PLD5: variants seen among roughly 807,000 people sequenced by gnomAD.
PLD5 encodes inactive phospholipase D5.
In PLD5, 36 loss-of-function variants were observed where a neutral mutation model predicts 61.1. The ratio of observed to expected loss-of-function variants is 0.59; its 90% CI spans 0.45 to 0.78. PLD5 has a LOEUF of 0.78. PLD5 is among the 30% of genes least tolerant of loss of function. The pLI is 0.00. For synonymous variants in PLD5, 243 were observed against 242.8 expected, an observed-to-expected ratio of 1.00 and a Z score of -0.01; for missense variants, 515 against 644.4, an observed-to-expected ratio of 0.80 and a Z score of 2.17.
intron 9 of PLD5, among the ~76,000 whole-genome samples, chr1:242,097,884 A>T (rs1160247946): frequency 6.6e-6 from 1 of 152,182 alleles, no homozygotes; most frequent in Non-Finnish European, 1.5e-5. Flanking sequence ...TTTTAGGTCT[A>T]ACATTTAAAT....
intron 1 of PLD5, among the ~76,000 whole-genome samples, chr1:242,498,708 C>G (rs929009188): frequency 6.6e-6 from 1 of 152,176 alleles, no homozygotes; most frequent in African/African-American, 2.4e-5. Flanking sequence ...GCTCCCACTC[C>G]CCACAATTGT....
At chr1:242,342,293 CGGAAG>C (rs1361636579) in intron 2 of PLD5, among the ~76,000 whole-genome samples, 1 of 151,960 alleles carries the variant, frequency 6.6e-6, no homozygotes, top group Non-Finnish European at 1.5e-5. Flanking sequence ...TCTGTGTGGG[CGGAAG>C]GGAAGATGGA....
chr1:242,484,914 T>C (rs1299527446), intron 1 of PLD5, among the ~76,000 whole-genome samples: 5 of 152,016 alleles, frequency 3.3e-5, no homozygotes, highest in African/African-American at 1.2e-4. Context: ...CATGCACAAA[T>C]CAGTAAATGT....
chr1:242,258,295 A>G (rs1425722573), intron 4 of PLD5, among the ~76,000 whole-genome samples: 1 of 152,198 alleles, frequency 6.6e-6, no homozygotes, highest in Non-Finnish European at 1.5e-5. Flanking sequence ...CCGAATTTCC[A>G]TCCACTGAGT....
At chr1:242,280,679 G>A (rs1333860610) in intron 3 of PLD5, among the ~76,000 whole-genome samples, 1 of 152,126 alleles carries the variant, frequency 6.6e-6, no homozygotes, top group Admixed American at 6.6e-5. Context: ...CACCAACTAT[G>A]CCAATCTTTT....
intron 5 of PLD5, among the ~76,000 whole-genome samples, chr1:242,171,611 G>A (rs773879113): frequency 2.6e-5 from 4 of 151,816 alleles, no homozygotes. Flanking sequence ...TGGACAAAGA[G>A]TCAAGACCCA....
chr1:242,529,340 C>T (rs893225351), upstream of PLD5, among the ~76,000 whole-genome samples: 1 of 152,146 alleles, frequency 6.6e-6, no homozygotes, highest in Non-Finnish European at 1.5e-5. Flanking sequence ...TATGTACAAA[C>T]TTACTTTAGA....
chr1:242,201,548 G>T (rs1050404716), intron 5 of PLD5, among the ~76,000 whole-genome samples: 1 of 151,942 alleles, frequency 6.6e-6, no homozygotes, highest in Non-Finnish European at 1.5e-5. Flanking sequence ...TTTAGATGGG[G>T]TCTCACTCTG....
chr1:242,157,134 A>G (rs1053085778), intron 5 of PLD5, among the ~76,000 whole-genome samples: 4 of 152,024 alleles, frequency 2.6e-5, no homozygotes, highest in African/African-American at 9.7e-5. Flanking sequence ...TTTACTTCCA[A>G]TTGATCAATT....
intron 5 of PLD5, among the ~76,000 whole-genome samples, chr1:242,143,087 G>C (rs1384108024): frequency 6.7e-6 from 1 of 149,622 alleles, no homozygotes; most frequent in Non-Finnish European, 1.5e-5. Flanking sequence ...GAGTACAGTG[G>C]TGCCATCTCC....
intron 1 of PLD5, among the ~76,000 whole-genome samples, chr1:242,415,344 C>A (rs1193583995): frequency 6.6e-6 from 1 of 152,026 alleles, no homozygotes; most frequent in African/African-American, 2.4e-5. Context: ...AGAAACAACC[C>A]ATCAGCAGAG....
Position 242,265,433 on chromosome 1 carries a change from C to A in PLD5, c.511G>T (p.Glu171Ter). 2 of 1,609,166 alleles carry A rather than the reference C, an allele frequency of 1.2e-6. No homozygotes were observed. The highest frequency in any genetic ancestry group is 1.7e-6 in the Non-Finnish European group (2 of 1,177,656). The change falls in exon 4 of 10, where the codon GAA becomes TAA. Residue 171 changes from glutamate (E) to a stop codon, truncating the protein, a stop_gained. Transcript: ENST00000536534. LOFTEE classifies it high-confidence loss of function. Reference protein sequence around the residue: ...PSACQGQRLFEKLLQLTSQNI... With the variant: ...PSACQGQRLF ...TGCGAAGTCAGCTGGAGCAACTTTTCAAAAAGACGTTGACCCTGGAAAAAA... is the reference window on the plus strand; with the variant it reads ...TGCGAAGTCAGCTGGAGCAACTTTTAAAAAAGACGTTGACCCTGGAAAAAA...
chr1:242,392,452 A>C (rs1662987652), intron 1 of PLD5, among the ~76,000 whole-genome samples: 1 of 152,186 alleles, frequency 6.6e-6, no homozygotes, highest in African/African-American at 2.4e-5. Flanking sequence ...GTAAGCTTTC[A>C]AGTGTGTGAC....
intron 1 of PLD5, among the ~76,000 whole-genome samples, chr1:242,523,387 T>G (rs1669340547): frequency 6.6e-6 from 1 of 151,828 alleles, no homozygotes. Context: ...GGAGCTCAAC[T>G]CCAGAGCCAA....
rs370479154 is a variant in PLD5, at chr1:242,254,951, C to T, written c.607+10386G>A. On this transcript the variant is annotated intron_variant, in intron 4 of 9. Transcript: ENST00000536534. The stretch of plus-strand genomic sequence containing the variant: ...CCCTTGCAATACACTTTGACGGCAG[C>T]GTATAGGACAAAGGCAGCAGCCTTC... 5.4e-4 allele frequency among the ~76,000 whole-genome samples: 82 copies of T among 152,266 alleles called. 1 individual carries two copies. Among genetic ancestry groups the T allele is most frequent in the African/African-American group, 1.9e-3 (78 of 41,534 alleles).
chr1:242,089,403 A>AC lies in PLD5; in HGVS notation c.*450dup. On this transcript the variant is annotated 3_prime_UTR_variant, in exon 10 of 10. Coordinates refer to ENST00000536534, the MANE Select transcript of PLD5 (RefSeq NM_001372062.1). ...TTAGCTGACTGTGTAGGTCTTGGAG[A>AC]CGATTTACAAGAATAAACACTTGGT... The AC allele has an allele frequency of 2.5e-6, 1 of 397,380 alleles. No individual in the cohort carries two copies. Among genetic ancestry groups the AC allele is most frequent in the Non-Finnish European group, 4.4e-6 (1 of 226,032 alleles). 24.6% of individuals were successfully genotyped at this position (397,380 alleles called of 1,614,324 possible).
chr1:242,236,551 C>CAA (rs71984462), intron 4 of PLD5, among the ~76,000 whole-genome samples: 54 of 150,474 alleles, frequency 3.6e-4, no homozygotes, highest in Middle Eastern at 3.4e-3. Flanking sequence ...ATAAAAACAA[C>CAA]AAAAAAAAAC....
intron 5 of PLD5, chr1:242,188,818 G>C (rs910027902): frequency 3.3e-5 from 5 of 152,176 alleles, no homozygotes; most frequent in African/African-American, 1.2e-4. Flanking sequence ...TGGTGTTGCA[G>C]AAGTACTTCG....
At chr1:242,369,865 T>A (rs992340677) in intron 1 of PLD5, among the ~76,000 whole-genome samples, 4 of 152,158 alleles carry the variant, frequency 2.6e-5, no homozygotes, top group Admixed American at 6.6e-5. Context: ...TTAAAGTTCT[T>A]CCAATTACTA....
Sources: allele counts gnomAD v4.1 joint callset (sites outside exome capture counted in the v4.1 genomes callset), GRCh38; gene constraint gnomAD v4.1.1; transcripts MANE v1.5; gene names NCBI Gene and HGNC (gene_info 2026-07-23, HGNC 2026-07-21).